Variants in GPR179 observed in about 807,000 individuals in gnomAD.
The protein encoded by GPR179 is probable G protein-coupled receptor 179.
A neutral mutation model predicts 70.8 loss-of-function variants in GPR179; 52 were observed. The observed-to-expected ratio is 0.73, with a 90% CI of 0.59 to 0.93. The LOEUF is 0.93. GPR179 is among the 40% of genes least tolerant of loss of function. GPR179 has a pLI of 0.00. For missense variants in GPR179, 2,734 were observed against 2,966.8 expected (o/e 0.92, Z 1.82); for synonymous variants, 1,123 against 1,169.0 (o/e 0.96, Z 0.80).
In GPR179 at chr17:38,329,148, T is replaced by C. The variant is rs768027272; in HGVS notation, c.4421A>G (p.Gln1474Arg). The change falls in exon 11 of 11, where the codon CAG becomes CGG. Residue 1474 changes from glutamine to arginine, a missense_variant. Transcript: ENST00000616987. ...LWEAGDAPAI[Q>R]KAEICPWELD... ...CTCCCAGGGACAGATCTCTGCTTTC[T>C]GGATAGCAGGAGCATCTCCTGCCTC... is the stretch of plus-strand genomic sequence containing the variant. 2 of 1,614,068 alleles carry C rather than the reference T, an allele frequency of 1.2e-6. No homozygotes were observed. The highest frequency in any genetic ancestry group is 8.5e-7 in the Non-Finnish European group (1 of 1,180,028).
rs1460810990 is a variant in GPR179 at position 38,334,982 on chromosome 17, G to A, written c.1645+51C>T. 6.3e-7 allele frequency: 1 copy of A among 1,581,052 alleles called. No individual in the cohort carries two copies. Among genetic ancestry groups the A allele is most frequent in the Non-Finnish European group, 8.7e-7 (1 of 1,153,996 alleles). On this transcript the variant is annotated intron_variant, in intron 7 of 10. Transcript: ENST00000616987. This position sits in a 1 kb window ranked among gnomAD's most constrained non-coding sequence, Gnocchi z 4.7. ...GAACCAGAACAAGAGGAACCCTGGA[G>A]GCACAGAGGCAGGGACCAGCGTAAG...
Position 38,328,966 on chromosome 17 carries a change from C to A in GPR179, c.4603G>T (p.Val1535Phe). 2 of 1,614,188 alleles carry A rather than the reference C, an allele frequency of 1.2e-6. No homozygotes were observed. Among genetic ancestry groups the A allele is most frequent in the Admixed American group, 1.7e-5 (1 of 60,026 alleles). The change falls in exon 11 of 11, where the codon GTT becomes TTT. Residue 1535 changes from valine (V) to phenylalanine (F), a missense_variant. Physicochemically the swap from Val to Phe is conservative, Grantham distance 50. Transcript: ENST00000616987. ...VQKLSQQQES[V>F]CPRESTVPGH... ...GGGACCGTGCTCTCCCTGGGACAAACTGACTCCTGCTGTTGACTTAATTTC... is the reference window on the plus strand; with the variant it reads ...GGGACCGTGCTCTCCCTGGGACAAAATGACTCCTGCTGTTGACTTAATTTC...
In GPR179 at chr17:38,343,590, T is replaced by A; in HGVS notation, c.200A>T (p.Asp67Val). The change falls in exon 1 of 11, where the codon GAT (aspartate) becomes GTT (valine). Residue 67 changes from aspartate to valine, a missense_variant. Physicochemically the swap from Asp to Val is radical, Grantham distance 152. Coordinates refer to ENST00000616987, the MANE Select transcript of GPR179 (RefSeq NM_001004334.4). The surrounding 1 kb of genome is among the most constrained non-coding windows in gnomAD (Gnocchi z 4.2). ...EAALAYLYSGDAQQLSQVNCS... is the reference protein window; with the variant it reads ...EAALAYLYSGVAQQLSQVNCS... ...ATTCACCTGTGATAGCTGCTGGGCA[T>A]CTCCAGAGTAGAGATAAGCGAGGGC... 1.9e-6 allele frequency: 3 copies of A among 1,613,774 alleles called. No homozygotes were observed. The highest frequency in any genetic ancestry group is 1.7e-5 in the Admixed American group (1 of 60,020).
chr17:38,327,951 A>G lies in GPR179; in HGVS notation c.5618T>C (p.Ile1873Thr). Residue 1873 changes from isoleucine (I) to threonine (T), a missense_variant, in exon 11 of 11, where the codon ATT (isoleucine) becomes ACT (threonine). By Grantham distance (89) the Ile-to-Thr change is moderately conservative. Transcript: ENST00000616987. ...CAAGTCCTTGTTCTCCCAAATACAA[A>G]TAGTTTCCTGTTGTTGACACAGTTT... ...MAKLCQQQET[I>T]CIWENKDLRE... 6.2e-7 allele frequency: 1 copy of G among 1,614,146 alleles called. No homozygotes were observed. The highest frequency in any genetic ancestry group is 8.5e-7 in the Non-Finnish European group (1 of 1,180,032).
Position 38,334,086 on chromosome 17 carries a change from T to C in GPR179, c.1785-48A>G, listed in dbSNP as rs776087208. The C allele has an allele frequency of 7.5e-7, 1 of 1,326,586 alleles. No homozygotes were observed. Among genetic ancestry groups the C allele is most frequent in the Admixed American group, 1.7e-5 (1 of 58,996 alleles). 82.2% of individuals were successfully genotyped at this position (1,326,586 alleles called of 1,614,324 possible). A position where few individuals can be genotyped will look rare whatever the true frequency, so the allele number is the denominator to read the frequency against. ...GTCATTACTGCAGGCAGGAGTTGCC[T>C]CTTCTGCTTTGCCTTCTCACTGGCG... On this transcript the variant is annotated intron_variant, in intron 8 of 10. Transcript: ENST00000616987. This position sits in a 1 kb window ranked among gnomAD's most constrained non-coding sequence, Gnocchi z 4.7.
chr17:38,331,574 T>A (rs2144264965), intron 10 of GPR179, 43 bp from the exon 11 acceptor site: 1 of 1,555,608 alleles, frequency 6.4e-7, no homozygotes, highest in South Asian at 1.2e-5. Flanking sequence ...AGGTGAGCTC[T>A]CTCCATCCCC....
At chr17:38,332,029 A>G (rs2037364840) in intron 10 of GPR179, among the ~76,000 whole-genome samples, 1 of 152,198 alleles carries the variant, frequency 6.6e-6, no homozygotes, top group Non-Finnish European at 1.5e-5. Context: ...CCCCAGATCC[A>G]GCATAGGGGC....
intron 1 of GPR179, 46 bp downstream of exon 1, chr17:38,342,950 C>G: frequency 1.3e-6 from 2 of 1,532,182 alleles, no homozygotes; most frequent in Non-Finnish European, 1.8e-6. Flanking sequence ...TACTTCCTTC[C>G]CCTACATCCC....
rs1243677504 is a variant in GPR179, at chr17:38,329,458, G to A, written c.4111C>T (p.His1371Tyr). The A allele has an allele frequency of 6.8e-6, 11 of 1,613,826 alleles. No homozygotes were observed. The Admixed American group carries it at 1.8e-4, about 27-fold the overall frequency. Residue 1371 changes from histidine (H) to tyrosine (Y), a missense_variant, in exon 11 of 11, where the codon CAT becomes TAT. Physicochemically the swap from His to Tyr is moderately conservative, Grantham distance 83. Coordinates refer to ENST00000616987, the MANE Select transcript of GPR179 (RefSeq NM_001004334.4). The stretch of plus-strand genomic sequence containing the variant: ...TCTGCCTTGGTGATGTCAGGGGTAT[G>A]AGCTTCTGGGCCAGCAGCTTCCCAC... ...PGWEAAGPEA[H>Y]TPDITKAEPC...
rs1597660809 is a variant in GPR179, at chr17:38,326,802, A to G, written c.6767T>C (p.Leu2256Pro). 1 of 1,614,216 alleles carries G rather than the reference A, an allele frequency of 6.2e-7. No individual in the cohort carries two copies. ...TCTCCGAGTTGCTGTTAAAGCCAGGAGGCCAGATTCCTCAGATGGGACTCC... is the reference window on the plus strand; with the variant it reads ...TCTCCGAGTTGCTGTTAAAGCCAGGGGGCCAGATTCCTCAGATGGGACTCC... Reference protein sequence around the residue: ...ETGVPSEESGLLALTATRREF... With the variant: ...ETGVPSEESGPLALTATRREF... Residue 2256 changes from leucine (L) to proline (P), a missense_variant, in exon 11 of 11, where the codon CTC (leucine) becomes CCC (proline). Physicochemically the swap from Leu to Pro is moderately conservative, Grantham distance 98 (BLOSUM62 -3). Transcript: ENST00000616987.
rs1178278292 is a variant in GPR179, at chr17:38,327,240, C to T, written c.6329G>A (p.Arg2110Lys). ...SSEAAGSVET[R>K]VAEVCLWEVV... The stretch of plus-strand genomic sequence containing the variant: ...TTCCCACAGACACACTTCCGCTACC[C>T]TGGTCTCCACACTGCCTGCTGCCTC... The change falls in exon 11 of 11, where the codon AGG (arginine) becomes AAG (lysine). Residue 2110 changes from arginine to lysine, a missense_variant. By Grantham distance (26) the Arg-to-Lys change is conservative. Coordinates refer to ENST00000616987, the MANE Select transcript of GPR179 (RefSeq NM_001004334.4). 6.2e-7 allele frequency: 1 copy of T among 1,614,268 alleles called. No individual in the cohort carries two copies. Among genetic ancestry groups the T allele is most frequent in the Non-Finnish European group, 8.5e-7 (1 of 1,180,046 alleles).
At chr17:38,331,861 G>A (rs1287724796) in intron 10 of GPR179, among the ~76,000 whole-genome samples, 2 of 152,164 alleles carry the variant, frequency 1.3e-5, no homozygotes, top group African/African-American at 4.8e-5. Flanking sequence ...CTCCCTCTGA[G>A]CCTCTGGATC....
chr17:38,330,791 TCTC>T lies in GPR179; in HGVS notation c.2775_2777del (p.Arg927del), dbSNP rs2037348941. 2 of 1,598,428 alleles carry T rather than the reference TCTC, an allele frequency of 1.3e-6. No homozygotes were observed. The highest frequency in any genetic ancestry group is 1.1e-5 in the South Asian group (1 of 89,098). On this transcript the variant is annotated inframe_deletion, in exon 11 of 11. Coordinates refer to ENST00000616987, the MANE Select transcript of GPR179 (RefSeq NM_001004334.4). ...GCCTGATGGGTGGATGAGGCAGCCT[TCTC>T]CTAGCCTCCTCATGAAGCCTCCCAG...
chr17:38,328,338 G>A lies in GPR179; in HGVS notation c.5231C>T (p.Ala1744Val). 2 of 1,613,920 alleles carry A rather than the reference G, an allele frequency of 1.2e-6. No individual in the cohort carries two copies. The highest frequency in any genetic ancestry group is 1.1e-5 in the South Asian group (1 of 91,072). The change falls in exon 11 of 11, where the codon GCT (alanine) becomes GTT (valine). Residue 1744 changes from alanine to valine, a missense_variant. Transcript: ENST00000616987. ...VSADLGPRER[A>V]VTAPEKPQKP... is the part of the protein sequence containing the mutation. ...CTGTGGCTTCTCTGGAGCAGTAACA[G>A]CTCTCTCCCTGGGTCCAAGATCTGC...
chr17:38,339,222 G>A (rs976534286), intron 2 of GPR179, 195 bp downstream of exon 2: 51 of 530,792 alleles, frequency 9.6e-5, no homozygotes, highest in African/African-American at 9.4e-4. Flanking sequence ...ATAGGGGGTG[G>A]GGGGGCAGGC....
chr17:38,334,092 G>T lies in GPR179; in HGVS notation c.1785-54C>A. The T allele has an allele frequency of 1.6e-6, 2 of 1,274,934 alleles. No homozygotes were observed. Among genetic ancestry groups the T allele is most frequent in the Non-Finnish European group, 2.3e-6 (2 of 872,430 alleles). 79.0% of individuals were successfully genotyped at this position (1,274,934 alleles called of 1,614,324 possible). On this transcript the variant is annotated intron_variant, in intron 8 of 10. Coordinates refer to ENST00000616987, the MANE Select transcript of GPR179 (RefSeq NM_001004334.4). This position sits in a 1 kb window ranked among gnomAD's most constrained non-coding sequence, Gnocchi z 4.7. The stretch of plus-strand genomic sequence containing the variant: ...ACTGCAGGCAGGAGTTGCCTCTTCT[G>T]CTTTGCCTTCTCACTGGCGTTTCAC...
intron 5 of GPR179, among the ~76,000 whole-genome samples, 155 bp from the exon 6 acceptor site, chr17:38,335,855 G>A (rs1333586320): frequency 6.6e-6 from 1 of 152,200 alleles, no homozygotes; most frequent in Non-Finnish European, 1.5e-5. Flanking sequence ...AAAGAAGTTA[G>A]GTAACTTGCC....
At chr17:38,338,078 G>A (rs2037421341) in intron 2 of GPR179, among the ~76,000 whole-genome samples, 1 of 152,236 alleles carries the variant, frequency 6.6e-6, no homozygotes, top group Non-Finnish European at 1.5e-5. Context: ...TCTGAGCCCA[G>A]CCATACCTTG....
Position 38,343,376 on chromosome 17 carries a change from G to A in GPR179, c.414C>T (p.Ala138=), listed in dbSNP as rs768010101. ...CCCTGTACACTCTTGGGTCCCCCTC[G>A]GCCACGCTGCGGACCAGTGCCTGGT... The part of the protein sequence containing the change: ...EWYQALVRSV[A]EGDPRVYRAL... Residue 138 remains alanine, a synonymous_variant, in exon 1 of 11, where the codon GCC becomes GCT. Transcript: ENST00000616987. This position sits in a 1 kb window ranked among gnomAD's most constrained non-coding sequence, Gnocchi z 4.2. 3.3e-5 allele frequency: 54 copies of A among 1,614,020 alleles called. No individual in the cohort carries two copies. The Middle Eastern group carries it at 8.2e-4, about 25-fold the overall frequency.
Sources: gnomAD v4.1 joint callset for allele counts (sites outside exome capture counted in the v4.1 genomes callset) on GRCh38, gnomAD v4.1.1 for gene constraint, Gnocchi (gnomAD v3.1) non-coding constraint, MANE v1.5 for transcripts, NCBI Gene and HGNC (gene_info 2026-07-23, HGNC 2026-07-21) for gene names.